The following EVA1A variants were observed in gnomAD, a reference collection of about 807,000 sequenced individuals.
EVA1A encodes the protein eva-1 homolog A, regulator of programmed cell death.
In EVA1A, 7 loss-of-function variants were observed where a neutral mutation model predicts 9.8. The ratio of observed to expected loss-of-function variants is 0.71; its 90% CI spans 0.41 to 1.34. EVA1A has a LOEUF of 1.34. EVA1A is among the 40% of genes most tolerant of loss of function. The pLI, the probability that EVA1A is intolerant of heterozygous loss-of-function variation, is 0.01. For missense variants in EVA1A, 206 were observed against 205.9 expected, an observed-to-expected ratio of 1.00 and a Z score of 0.00; for synonymous variants, 90 against 85.6, an observed-to-expected ratio of 1.05 and a Z score of -0.28.
chr2:75,498,331 G>C (rs763737120), intron 3 of EVA1A, among the ~76,000 whole-genome samples: 1 of 151,858 alleles, frequency 6.6e-6, no homozygotes, highest in East Asian at 1.9e-4. Context: ...GACTATTAGA[G>C]GGGGAGGGTG....
chr2:75,555,306 T>TCTCTCC (rs538713188), intron 1 of EVA1A, among the ~76,000 whole-genome samples: 1 of 134,896 alleles, frequency 7.4e-6, no homozygotes, highest in Non-Finnish European at 1.7e-5. Flanking sequence ...ACTCAATCTC[T>TCTCTCC]CTCTCTCTCT....
At chr2:75,518,319 G>T in intron 2 of EVA1A, 111 bp from the exon 3 acceptor site, 1 of 1,184,944 alleles carries the variant, frequency 8.4e-7, no homozygotes, top group Non-Finnish European at 1.1e-6. Flanking sequence ...ATTTGCAGGT[G>T]TCCTTTGGGG....
Position 75,492,521 on chromosome 2 carries a change from C to G in EVA1A, c.*715G>C, listed in dbSNP as rs924311720. ...ACACACCACTTTTATTTTTATGCAG[C>G]ATTTTCAAATATGCATGTCAATATA... On this transcript the variant is annotated 3_prime_UTR_variant, in exon 4 of 4. Coordinates refer to ENST00000393913, the MANE Select transcript of EVA1A (RefSeq NM_001135032.2). The G allele has an allele frequency of 1.3e-5, 2 of 152,186 alleles. No homozygotes were observed. Among genetic ancestry groups the G allele is most frequent in the Non-Finnish European group, 2.9e-5 (2 of 67,966 alleles). The allele number at this position is 152,186 out of a possible 1,614,324, so 9.4% of individuals were successfully genotyped here. A position where few individuals can be genotyped will look rare whatever the true frequency, so the allele number is the denominator to read the frequency against.
chr2:75,526,285 T>C (rs548012468), intron 1 of EVA1A: 1 of 152,346 alleles, frequency 6.6e-6, no homozygotes, highest in African/African-American at 2.4e-5. Flanking sequence ...AAGGTAGCAA[T>C]GCAGAGGACC....
chr2:75,564,543 A>C (rs917421483), upstream of EVA1A, among the ~76,000 whole-genome samples: 4 of 152,220 alleles, frequency 2.6e-5, no homozygotes, highest in Non-Finnish European at 5.9e-5. Flanking sequence ...CAGCACATCC[A>C]GTTCATGGAA....
intron 2 of EVA1A, among the ~76,000 whole-genome samples, chr2:75,519,831 TA>T (rs1268405883): frequency 6.6e-6 from 1 of 152,252 alleles, no homozygotes; most frequent in Non-Finnish European, 1.5e-5. Flanking sequence ...CTGTCTCCAC[TA>T]ATGTTACCAG....
At chr2:75,515,489 A>T (rs1674970759) in intron 3 of EVA1A, among the ~76,000 whole-genome samples, 1 of 152,236 alleles carries the variant, frequency 6.6e-6, no homozygotes, top group Admixed American at 6.5e-5. Flanking sequence ...GTCATCTAAT[A>T]TGAACCCTGG....
At chr2:75,504,244 C>G (rs182340229) in intron 3 of EVA1A, among the ~76,000 whole-genome samples, 1 of 152,142 alleles carries the variant, frequency 6.6e-6, no homozygotes, top group Admixed American at 6.5e-5. Context: ...AACCCTGTCT[C>G]TACTAAAAAT....
At chr2:75,528,811 C>T (rs1287874544) in intron 1 of EVA1A, among the ~76,000 whole-genome samples, 3 of 152,198 alleles carry the variant, frequency 2.0e-5, no homozygotes, top group Non-Finnish European at 4.4e-5. Flanking sequence ...ATAACCACAG[C>T]TGATGCTCTC....
intron 1 of EVA1A, among the ~76,000 whole-genome samples, chr2:75,534,825 G>A (rs1029708380): frequency 9.2e-5 from 14 of 151,780 alleles, no homozygotes; most frequent in South Asian, 2.1e-4. Flanking sequence ...TCTTTGCCTC[G>A]GTCAATGTCT....
chr2:75,549,004 ATATATTTTTTT>A (rs1217290927), intron 1 of EVA1A, among the ~76,000 whole-genome samples: 1 of 100,630 alleles, frequency 9.9e-6, no homozygotes, highest in African/African-American at 4.4e-5. Flanking sequence ...ATATATATAT[ATATATTTTTTT>A]TTTTTTTACT....
intron 3 of EVA1A, among the ~76,000 whole-genome samples, chr2:75,509,681 C>T (rs10175841): frequency 5.9e-5 from 9 of 151,872 alleles, no homozygotes; most frequent in Admixed American, 2.6e-4. Flanking sequence ...ATGTGCTCTG[C>T]GGATCTGTAC....
At chr2:75,516,401 C>T (rs1043985694) in intron 3 of EVA1A, among the ~76,000 whole-genome samples, 3 of 152,104 alleles carry the variant, frequency 2.0e-5, no homozygotes, top group South Asian at 2.1e-4. Context: ...TATCTCAGCC[C>T]GTACTTACTT....
At chr2:75,556,897 GT>G (rs1284466317) in intron 1 of EVA1A, among the ~76,000 whole-genome samples, 1 of 152,178 alleles carries the variant, frequency 6.6e-6, no homozygotes, top group Non-Finnish European at 1.5e-5. Flanking sequence ...CGATGACCCT[GT>G]TCCTAACAGG....
At chr2:75,528,789 G>A (rs1346694554) in intron 1 of EVA1A, among the ~76,000 whole-genome samples, 1 of 152,136 alleles carries the variant, frequency 6.6e-6, no homozygotes, top group East Asian at 1.9e-4. Context: ...GGGCAAGCTT[G>A]CATCCCCCAA....
chr2:75,515,293 T>C (rs909537633), intron 3 of EVA1A, among the ~76,000 whole-genome samples: 1 of 152,212 alleles, frequency 6.6e-6, no homozygotes, highest in African/African-American at 2.4e-5. Context: ...ATTGGAATGG[T>C]CAAGGTTTGA....
At chr2:75,508,370 G>T (rs1021232648) in intron 3 of EVA1A, among the ~76,000 whole-genome samples, 3 of 152,138 alleles carry the variant, frequency 2.0e-5, no homozygotes, top group Non-Finnish European at 4.4e-5. Flanking sequence ...GAACATCCCT[G>T]GGAAAGAGAA....
chr2:75,512,873 A>T (rs1674865826), intron 3 of EVA1A, among the ~76,000 whole-genome samples: 1 of 152,176 alleles, frequency 6.6e-6, no homozygotes, highest in Non-Finnish European at 1.5e-5. Flanking sequence ...CATTGCCAGA[A>T]GTCCCCTTGC....
At chr2:75,523,068 A>T (rs1373615923) in intron 1 of EVA1A, among the ~76,000 whole-genome samples, 1 of 152,196 alleles carries the variant, frequency 6.6e-6, no homozygotes, top group Non-Finnish European at 1.5e-5. Context: ...GGAAGAATGA[A>T]ATCAGTCATG....
Sources: allele counts gnomAD v4.1 joint callset (sites outside exome capture counted in the v4.1 genomes callset), GRCh38; gene constraint gnomAD v4.1.1; transcripts MANE v1.5; gene names NCBI Gene and HGNC (gene_info 2026-07-23, HGNC 2026-07-21).